CLIC5: variants seen among roughly 807,000 people sequenced by gnomAD.
CLIC5 encodes chloride intracellular channel protein 5.
Under a neutral mutation model 24.7 loss-of-function variants are expected in CLIC5, and 20 were observed. That is an observed-to-expected ratio of 0.81 (90% CI 0.57 to 1.18). The LOEUF (loss-of-function observed/expected upper bound fraction) is 1.18. CLIC5 is among the 50% of genes most tolerant of loss of function. CLIC5 has a pLI of 0.00. For missense variants in CLIC5, 341 were observed against 326.1 expected (o/e 1.05, Z -0.35); for synonymous variants, 159 against 135.6 (o/e 1.17, Z -1.20).
At position 45,992,591 on chromosome 6, in the gene CLIC5, T is replaced by A. The variant is rs139090528; in HGVS notation, c.63+22889A>T. On this transcript the variant is annotated intron_variant, in intron 1 of 5. Coordinates refer to ENST00000339561, the MANE Select transcript of CLIC5 (RefSeq NM_016929.5). ...TTTATGCCTAACAGATACATATGCATCATATGCATGGGTGGCCTGTATGTG... is the reference window on the plus strand; with the variant it reads ...TTTATGCCTAACAGATACATATGCAACATATGCATGGGTGGCCTGTATGTG... 2.8e-3 allele frequency among the ~76,000 whole-genome samples: 425 copies of A among 152,282 alleles called. 2 individuals carry two copies. The highest frequency in any genetic ancestry group is 3.2e-3 in the Non-Finnish European group (220 of 68,034).
chr6:45,958,443 T>TACACACACACACACACACATACACACAC (rs1283521914), intron 1 of CLIC5, among the ~76,000 whole-genome samples: 1 of 55,642 alleles, frequency 1.8e-5, no homozygotes, highest in Non-Finnish European at 3.9e-5. Context: ...TATATATATA[T>TACACACACACACACACACATACACACAC]ATATATATAT....
In CLIC5 at chr6:45,901,369, TC is replaced by T. The variant is rs1256363292; in HGVS notation, c.*1718del. ...AATGGGCTCTAGGAGACCTCCTGCT[TC>T]CTCTCCTCTGATTTGATCAATGGGT... is the stretch of plus-strand genomic sequence containing the variant. On this transcript the variant is annotated 3_prime_UTR_variant, in exon 6 of 6. Coordinates refer to ENST00000339561, the MANE Select transcript of CLIC5 (RefSeq NM_016929.5). 6.6e-5 allele frequency: 10 copies of T among 152,270 alleles called. No homozygotes were observed. The East Asian group carries it at 1.9e-3, about 29-fold the overall frequency. The allele number at this position is 152,270 out of a possible 1,614,324, so 9.4% of individuals were successfully genotyped here. A position where few individuals can be genotyped will look rare whatever the true frequency, so the allele number is the denominator to read the frequency against.
intron 1 of CLIC5, among the ~76,000 whole-genome samples, chr6:45,962,074 AC>A (rs1764864174): frequency 1.3e-5 from 2 of 149,504 alleles, no homozygotes. Flanking sequence ...ACACACACAC[AC>A]ACACACACAC....
intron 4 of CLIC5, among the ~76,000 whole-genome samples, chr6:45,921,249 C>T (rs1173685806): frequency 6.6e-6 from 1 of 152,090 alleles, no homozygotes; most frequent in African/African-American, 2.4e-5. Flanking sequence ...GAAATGGCAG[C>T]AAGGTTTTAG....
intron 1 of CLIC5, among the ~76,000 whole-genome samples, chr6:45,978,830 A>C (rs557081739): frequency 6.6e-6 from 1 of 152,252 alleles, no homozygotes; most frequent in South Asian, 2.1e-4. Flanking sequence ...CATGCCTTTA[A>C]TCCCAGCTAC....
chr6:45,886,964 A>G (rs1762310554), intron 6 of CLIC5, among the ~76,000 whole-genome samples: 1 of 152,176 alleles, frequency 6.6e-6, no homozygotes, highest in Non-Finnish European at 1.5e-5. Context: ...ATGTTTCTAG[A>G]TGATGCCAGA....
chr6:45,999,964 A>C (rs1766294022), intron 1 of CLIC5, among the ~76,000 whole-genome samples: 1 of 30,504 alleles, frequency 3.3e-5, no homozygotes, highest in African/African-American at 1.5e-4. Flanking sequence ...GTTAGCCAGG[A>C]TGGTCTCGAT....
chr6:45,937,889 G>A (rs1344635995), intron 4 of CLIC5, among the ~76,000 whole-genome samples: 1 of 152,136 alleles, frequency 6.6e-6, no homozygotes, highest in Non-Finnish European at 1.5e-5. Flanking sequence ...GAGTGGAGTG[G>A]AGAGGTGACC....
intron 4 of CLIC5, among the ~76,000 whole-genome samples, chr6:45,926,496 T>A (rs1763502627): frequency 2.0e-5 from 3 of 151,890 alleles, no homozygotes; most frequent in Admixed American, 2.0e-4. Context: ...GACCTTGTGA[T>A]CCGCCCCCCT....
intron 4 of CLIC5, chr6:45,937,741 A>T (rs1763989997): frequency 6.6e-6 from 1 of 152,198 alleles, no homozygotes; most frequent in Non-Finnish European, 1.5e-5. Flanking sequence ...GTACAAACTA[A>T]TGGATGATTC....
intron 1 of CLIC5, among the ~76,000 whole-genome samples, chr6:46,074,249 C>A (rs950559224): frequency 6.6e-6 from 1 of 151,964 alleles, no homozygotes; most frequent in African/African-American, 2.4e-5. Context: ...GATAAAAGTT[C>A]AATAGAAATG....
chr6:46,053,513 G>A lies in CLIC5; in HGVS notation c.540+26190C>T, dbSNP rs558924662. Among the ~76,000 whole-genome samples, 5 of 152,300 alleles carry A rather than the reference G, an allele frequency of 3.3e-5. No individual in the cohort carries two copies. The South Asian group carries it at 6.2e-4, about 19-fold the overall frequency. ...ACCTCATATTGCTCAGGCCTATACT[G>A]AACAGTGCTGCTAGATGATCTCTGA... On this transcript the variant is annotated intron_variant, in intron 1 of 5. Coordinates refer to the CLIC5 transcript ENST00000185206.
chr6:46,124,581 C>T, the CLIC5 span, among the ~76,000 whole-genome samples: 1 of 152,202 alleles, frequency 6.6e-6, no homozygotes, highest in African/African-American at 2.4e-5. Flanking sequence ...CAAATGGGAT[C>T]TAATTAAACT....
intron 1 of CLIC5, among the ~76,000 whole-genome samples, chr6:46,077,108 T>G: frequency 6.6e-6 from 1 of 151,044 alleles, no homozygotes; most frequent in Non-Finnish European, 1.5e-5. Flanking sequence ...AAAAAGTGCA[T>G]GGGAGACGAG....
chr6:46,027,944 G>T (rs1204073052), intron 1 of CLIC5, among the ~76,000 whole-genome samples: 1 of 152,040 alleles, frequency 6.6e-6, no homozygotes, highest in South Asian at 2.1e-4. Flanking sequence ...TTGCTCTTTT[G>T]TCACCTCGTA....
At chr6:45,933,623 T>C (rs1763826926) in intron 4 of CLIC5, among the ~76,000 whole-genome samples, 1 of 152,152 alleles carries the variant, frequency 6.6e-6, no homozygotes, top group South Asian at 2.1e-4. Flanking sequence ...GAGTCTTCCA[T>C]AAAAAGAGAA....
rs1213748679 is a variant in CLIC5, at chr6:45,969,099, TGAG to T, written c.64-13858_64-13856del. ...ATTTGCACCTAAAAATTCCAATGGC[TGAG>T]TAGAGACTCCACAAGCTACTACAGT... On this transcript the variant is annotated intron_variant, in intron 1 of 5. Coordinates refer to ENST00000339561, the MANE Select transcript of CLIC5 (RefSeq NM_016929.5). 1.1e-4 allele frequency among the ~76,000 whole-genome samples: 17 copies of T among 152,326 alleles called. 1 individual carries two copies. Among genetic ancestry groups the T allele is most frequent in the African/African-American group, 4.1e-4 (17 of 41,572 alleles).
chr6:45,932,188 C>T (rs1467290340), intron 4 of CLIC5, among the ~76,000 whole-genome samples: 1 of 152,234 alleles, frequency 6.6e-6, no homozygotes, highest in Non-Finnish European at 1.5e-5. Context: ...CGGTTCACTG[C>T]AACCTACAAC....
In CLIC5 at chr6:45,995,883, G is replaced by A. The variant is rs112896472; in HGVS notation, c.63+19597C>T. On this transcript the variant is annotated intron_variant, in intron 1 of 5. Transcript: ENST00000339561. Reference sequence around the variant, plus strand: ...AGAAACAGAAGACCAAATGCCATATGTTCTCACGTATAAGTGGGAGCTGAA... The same window carrying A: ...AGAAACAGAAGACCAAATGCCATATATTCTCACGTATAAGTGGGAGCTGAA... Among the ~76,000 whole-genome samples the A allele has an allele frequency of 5.0e-3, 760 of 152,200 alleles. 5 individuals carry two copies. Among genetic ancestry groups the A allele is most frequent in the African/African-American group, 0.018 (731 of 41,498 alleles).
Sources: allele counts gnomAD v4.1 joint callset (sites outside exome capture counted in the v4.1 genomes callset), GRCh38; gene constraint gnomAD v4.1.1; transcripts MANE v1.5; gene names NCBI Gene and HGNC (gene_info 2026-07-23, HGNC 2026-07-21).